Variants in SDK2 observed in about 807,000 individuals in gnomAD.
SDK2 encodes protein sidekick-2.
A neutral mutation model predicts 253.9 loss-of-function variants in SDK2; 105 were observed. The observed-to-expected ratio is 0.41, with a 90% CI of 0.35 to 0.49. The LOEUF (loss-of-function observed/expected upper bound fraction) is 0.49, where lower values mean the gene tolerates loss of function less well. Among genes scored for constraint, SDK2 ranks in the 20% least tolerant of loss-of-function variants. The probability of loss-of-function intolerance (pLI) is 0.06; values close to 1 mark genes in which losing one functional copy is unlikely to be tolerated. For missense variants in SDK2, 2,608 were observed against 3,003.0 expected (o/e 0.87, Z 3.07); for synonymous variants, 1,249 against 1,234.9 (o/e 1.01, Z -0.24).
chr17:73,453,385 C>A (rs373250909), intron 4 of SDK2, among the ~76,000 whole-genome samples: 1 of 115,434 alleles, frequency 8.7e-6, no homozygotes, highest in African/African-American at 3.3e-5. Context: ...TTTTTTTTTT[C>A]TTTTTTTTTG....
intron 1 of SDK2, among the ~76,000 whole-genome samples, chr17:73,564,722 G>A (rs1311664571): frequency 6.6e-6 from 1 of 152,166 alleles, no homozygotes; most frequent in East Asian, 1.9e-4. Context: ...CTACTCGGGA[G>A]GCTGAGGCAG....
rs1020819343 is a variant in SDK2 at position 73,455,602 on chromosome 17, G to A, written c.479+304C>T. 3.9e-5 allele frequency among the ~76,000 whole-genome samples: 6 copies of A among 152,298 alleles called. No individual in the cohort carries two copies. Among genetic ancestry groups the A allele is most frequent in the Middle Eastern group, 3.4e-3 (1 of 294 alleles). Reference sequence around the variant, plus strand: ...CTGTAACCACGGTGACAGCGCCTTCGTATATGCCTGTTTGGGTTTTTTAAG... The same window carrying A: ...CTGTAACCACGGTGACAGCGCCTTCATATATGCCTGTTTGGGTTTTTTAAG... On this transcript the variant is annotated intron_variant, in intron 4 of 44. Transcript: ENST00000392650. The surrounding 1 kb of genome is among the most constrained non-coding windows in gnomAD (Gnocchi z 5.0).
At chr17:73,559,772 CT>C (rs2045203602) in intron 1 of SDK2, among the ~76,000 whole-genome samples, 3 of 152,170 alleles carry the variant, frequency 2.0e-5, no homozygotes, top group Non-Finnish European at 4.4e-5. Context: ...ACAAGTGCCC[CT>C]AATGCCTGTG....
chr17:73,386,998 T>C (rs1349483847), intron 30 of SDK2, among the ~76,000 whole-genome samples: 1 of 152,236 alleles, frequency 6.6e-6, no homozygotes, highest in African/African-American at 2.4e-5. Flanking sequence ...TCTCACTCTG[T>C]TGCCCAGGCT....
intron 1 of SDK2, among the ~76,000 whole-genome samples, chr17:73,556,991 T>C (rs1265703337): frequency 6.6e-6 from 1 of 152,222 alleles, no homozygotes. Flanking sequence ...GCAAATTTCA[T>C]TCTTCTAAGC....
Position 73,401,025 on chromosome 17 carries a change from G to A in SDK2, c.2966C>T (p.Pro989Leu). 1 of 1,571,488 alleles carries A rather than the reference G, an allele frequency of 6.4e-7. No homozygotes were observed. Among genetic ancestry groups the A allele is most frequent in the Non-Finnish European group, 8.6e-7 (1 of 1,158,156 alleles). ...VSASTISSGV[P>L]PELPGPPTNL... is the part of the protein sequence containing the mutation. ...CCTTGAGAGTGGGCACTTACCTGGG[G>A]GCACCCCAGAGGAGATGGTGGAGGC... Residue 989 changes from proline to leucine, a missense_variant, in exon 21 of 45, where the codon CCC becomes CTC. This residue lies in a region of SDK2 where 1,505 missense variants were observed against 1,859.1 expected (regional missense o/e 0.81). Coordinates refer to ENST00000392650, the MANE Select transcript of SDK2 (RefSeq NM_001144952.2).
chr17:73,618,459 T>C lies in SDK2; in HGVS notation c.64+25566A>G, dbSNP rs1362884091. On this transcript the variant is annotated intron_variant, in intron 1 of 44. Transcript: ENST00000392650. This position sits in a 1 kb window ranked among gnomAD's most constrained non-coding sequence, Gnocchi z 4.1. ...CCACAAGGATTCAAGGAAGCATCAC[T>C]CCTTTGCCCTTTTAGAATCATGACC... is the stretch of plus-strand genomic sequence containing the variant. Among the ~76,000 whole-genome samples, 1 of 152,224 alleles carries C rather than the reference T, an allele frequency of 6.6e-6. No individual in the cohort carries two copies. The highest frequency in any genetic ancestry group is 1.9e-4 in the East Asian group (1 of 5,204).
chr17:73,416,709 C>T (rs1194700751), intron 16 of SDK2, among the ~76,000 whole-genome samples: 2 of 152,118 alleles, frequency 1.3e-5, no homozygotes, highest in Non-Finnish European at 2.9e-5. Flanking sequence ...CCTGCCTCAG[C>T]CTCCCAAGTA....
chr17:73,599,976 C>T (rs775214754), intron 1 of SDK2, among the ~76,000 whole-genome samples: 20 of 152,260 alleles, frequency 1.3e-4, no homozygotes, highest in Non-Finnish European at 2.2e-4. Context: ...GTGATTAATA[C>T]GCTAGACGTC....
intron 38 of SDK2, among the ~76,000 whole-genome samples, 192 bp from the exon 39 acceptor site, chr17:73,362,037 C>A (rs537382173): frequency 6.6e-6 from 1 of 152,222 alleles, no homozygotes; most frequent in Non-Finnish European, 1.5e-5. Context: ...ACAGCACGGT[C>A]CTGCCTGCTG....
At chr17:73,376,803 G>A (rs1308467283) in intron 36 of SDK2, among the ~76,000 whole-genome samples, 1 of 152,172 alleles carries the variant, frequency 6.6e-6, no homozygotes, top group Non-Finnish European at 1.5e-5. Flanking sequence ...TGGTGCTCCT[G>A]GGCAATGCCT....
chr17:73,477,263 G>A (rs867923885), intron 2 of SDK2, among the ~76,000 whole-genome samples: 1 of 151,956 alleles, frequency 6.6e-6, no homozygotes, highest in African/African-American at 2.4e-5. Flanking sequence ...CCACTCACCC[G>A]TAGCTGCCAG....
chr17:73,512,088 G>T (rs2063985421), intron 1 of SDK2, among the ~76,000 whole-genome samples: 2 of 152,182 alleles, frequency 1.3e-5, no homozygotes, highest in Non-Finnish European at 2.9e-5. Context: ...GTGTATTTAT[G>T]TGCAGGGACA....
intron 1 of SDK2, among the ~76,000 whole-genome samples, chr17:73,555,959 C>T (rs924167531): frequency 6.6e-6 from 1 of 152,096 alleles, no homozygotes; most frequent in Non-Finnish European, 1.5e-5. Context: ...ATGGTCCCTG[C>T]AGGGAGACAG....
At chr17:73,510,309 T>G (rs1044442190) in intron 1 of SDK2, among the ~76,000 whole-genome samples, 1 of 152,080 alleles carries the variant, frequency 6.6e-6, no homozygotes, top group East Asian at 1.9e-4. Context: ...GCCTGAGGGC[T>G]CAATCTTATT....
At chr17:73,463,421 ATATAAT>A (rs1235429361) in intron 3 of SDK2, among the ~76,000 whole-genome samples, 4 of 152,234 alleles carry the variant, frequency 2.6e-5, no homozygotes, top group Admixed American at 1.3e-4. Context: ...AAAAGAGCAA[ATATAAT>A]TATATGTATA....
At chr17:73,497,612 C>A (rs1012560800) in intron 2 of SDK2, among the ~76,000 whole-genome samples, 3 of 152,048 alleles carry the variant, frequency 2.0e-5, no homozygotes, top group African/African-American at 7.2e-5. Context: ...CAGAGCCTCA[C>A]GTCCCACCAG....
intron 1 of SDK2, among the ~76,000 whole-genome samples, chr17:73,527,820 C>A (rs1395499349): frequency 1.3e-5 from 2 of 152,114 alleles, no homozygotes; most frequent in African/African-American, 4.8e-5. Context: ...TCTTTTCCAT[C>A]CTATGTGGAA....
rs575256157 is a variant in SDK2 at position 73,540,599 on chromosome 17, A to C, written c.65-33002T>G. On this transcript the variant is annotated intron_variant, in intron 1 of 44. Transcript: ENST00000392650. ...AACTGAGGATAATGTTTATTTATTT[A>C]TTGCTCCCACTTAAGCAAAACACTT... is the stretch of plus-strand genomic sequence containing the variant. Among the ~76,000 whole-genome samples the C allele has an allele frequency of 2.6e-5, 4 of 152,256 alleles. No individual in the cohort carries two copies. The East Asian group carries it at 7.7e-4, about 29-fold the overall frequency.
Sources: allele counts gnomAD v4.1 joint callset (sites outside exome capture counted in the v4.1 genomes callset), GRCh38; gene constraint gnomAD v4.1.1; regional missense constraint gnomAD v4.1.1; non-coding constraint Gnocchi (gnomAD v3.1); transcripts MANE v1.5; gene names NCBI Gene and HGNC (gene_info 2026-07-23, HGNC 2026-07-21).